HSPH1: variants seen among roughly 807,000 people sequenced by gnomAD.
HSPH1 encodes heat shock protein 105 kDa.
Under a neutral mutation model 100.0 loss-of-function variants are expected in HSPH1, and 40 were observed. That is an observed-to-expected ratio of 0.40 (90% CI 0.31 to 0.52). The LOEUF (loss-of-function observed/expected upper bound fraction) is 0.52, where lower values mean the gene tolerates loss of function less well. Ranked by LOEUF, HSPH1 falls within the 20% of genes least tolerant of loss-of-function variation. The pLI is 0.54. For synonymous variants in HSPH1, 403 were observed against 344.0 expected, an observed-to-expected ratio of 1.17 and a Z score of -1.90; for missense variants, 876 against 1,015.1, an observed-to-expected ratio of 0.86 and a Z score of 1.86.
upstream of HSPH1, chr13:31,162,143 C>T (rs1956948199): frequency 2.7e-6 from 4 of 1,494,012 alleles, no homozygotes; most frequent in Non-Finnish European, 9.0e-7. Context: ...CTGCCTCCGC[C>T]CACTCCCGCC....
chr13:31,144,340 AT>A (rs1268069864), intron 11 of HSPH1, among the ~76,000 whole-genome samples: 4 of 152,086 alleles, frequency 2.6e-5, no homozygotes, highest in African/African-American at 9.7e-5. Flanking sequence ...ACATATCTCC[AT>A]TTCAATTTAC....
chr13:31,141,080 TA>T, intron 13 of HSPH1, 41 bp downstream of exon 13: 1 of 1,297,410 alleles, frequency 7.7e-7, no homozygotes, highest in Non-Finnish European at 1.1e-6. Context: ...GCCAAGAAAC[TA>T]AACATATTTC....
At chr13:31,153,438 A>C (rs756744514) in intron 4 of HSPH1, among the ~76,000 whole-genome samples, 16 of 152,172 alleles carry the variant, frequency 1.1e-4, no homozygotes, top group Non-Finnish European at 2.1e-4. Flanking sequence ...CTATTCACTG[A>C]GGTGCTCTTT....
At chr13:31,149,896 A>G in intron 8 of HSPH1, 58 bp downstream of exon 8, 3 of 1,333,224 alleles carry the variant, frequency 2.3e-6, no homozygotes, top group Non-Finnish European at 3.2e-6. Flanking sequence ...CCATGACGAC[A>G]TCCAGTGGAA....
At chr13:31,152,674 T>C in intron 5 of HSPH1, 178 bp downstream of exon 5, 1 of 455,518 alleles carries the variant, frequency 2.2e-6, no homozygotes, top group South Asian at 3.1e-5. Flanking sequence ...GATTCATAAG[T>C]TTGATAAAAT....
intron 1 of HSPH1, among the ~76,000 whole-genome samples, chr13:31,160,641 T>TATAG (rs1400108579): frequency 6.6e-6 from 1 of 152,350 alleles, no homozygotes; most frequent in Admixed American, 6.5e-5. Context: ...CCTATGCTCC[T>TATAG]ATAGAATATT....
In HSPH1 at chr13:31,140,220, C is replaced by T. The variant is rs1593715432; in HGVS notation, c.1944G>A (p.Lys648=). Residue 648 remains lysine, a synonymous_variant, in exon 14 of 18, where the codon AAG becomes AAA. Coordinates refer to ENST00000320027, the MANE Select transcript of HSPH1 (RefSeq NM_006644.4). ...VEEYVYEFRD[K]LCGPYEKFIC... ...TAAATTTTTCATATGGTCCACACAGCTTGTCTCTGAACTCATACACATATT... is the reference window on the plus strand; with the variant it reads ...TAAATTTTTCATATGGTCCACACAGTTTGTCTCTGAACTCATACACATATT... 2 of 1,611,992 alleles carry T rather than the reference C, an allele frequency of 1.2e-6. No homozygotes were observed. The highest frequency in any genetic ancestry group is 1.3e-5 in the African/African-American group (1 of 74,966).
chr13:31,154,050 T>A (rs1956586485), intron 4 of HSPH1: 1 of 155,834 alleles, frequency 6.4e-6, no homozygotes, highest in South Asian at 2.0e-4. Context: ...CCATGCTGTA[T>A]TTAAGTCCAA....
rs1956324639 is a variant in HSPH1 at position 31,147,873 on chromosome 13, A to T, written c.1378+86T>A. ...TTATGTTCCCCTCAACATTACTAAGAATAAGACAACTTTTAAAGTTTGTAC... is the reference window on the plus strand; with the variant it reads ...TTATGTTCCCCTCAACATTACTAAGTATAAGACAACTTTTAAAGTTTGTAC... On this transcript the variant is annotated intron_variant, in intron 10 of 17. Coordinates refer to ENST00000320027, the MANE Select transcript of HSPH1 (RefSeq NM_006644.4). 3 of 1,185,342 alleles carry T rather than the reference A, an allele frequency of 2.5e-6. No individual in the cohort carries two copies. In the Admixed American group the frequency reaches 7.9e-5, roughly 31 times the overall value. 73.4% of individuals were successfully genotyped at this position (1,185,342 alleles called of 1,614,324 possible). A position where few individuals can be genotyped will look rare whatever the true frequency, so the allele number is the denominator to read the frequency against.
At chr13:31,137,596 TACTC>T in intron 17 of HSPH1, 72 bp from the exon 18 acceptor site, 1 of 1,047,646 alleles carries the variant, frequency 9.5e-7, no homozygotes, top group Non-Finnish European at 1.4e-6. Context: ...CTTCTCCACA[TACTC>T]AACCCACTAT....
rs958113657 is a variant in HSPH1, at chr13:31,136,418, T to C, written c.*900A>G. On this transcript the variant is annotated 3_prime_UTR_variant, in exon 18 of 18. Transcript: ENST00000320027. ...CAATGTTTTCTTCTGGGTGGCAAGA[T>C]TTTAAGTTTTATTCACTTTATAGTA... The C allele has an allele frequency of 6.6e-6, 1 of 152,160 alleles. No homozygotes were observed. The highest frequency in any genetic ancestry group is 2.4e-5 in the African/African-American group (1 of 41,442). The allele number at this position is 152,160 out of a possible 1,614,324, so 9.4% of individuals were successfully genotyped here. A position where few individuals can be genotyped will look rare whatever the true frequency, so the allele number is the denominator to read the frequency against.
chr13:31,158,599 A>G (rs971753870), intron 2 of HSPH1, among the ~76,000 whole-genome samples: 1 of 151,766 alleles, frequency 6.6e-6, no homozygotes, highest in African/African-American at 2.4e-5. Context: ...TTAGAAAGTT[A>G]AAGTCGATCT....
chr13:31,156,119 G>A (rs959517688), intron 2 of HSPH1, among the ~76,000 whole-genome samples: 1 of 152,182 alleles, frequency 6.6e-6, no homozygotes, highest in African/African-American at 2.4e-5. Context: ...GGCCAGGCGC[G>A]GTGGCTCACG....
chr13:31,153,223 CA>C (rs1348631173), intron 4 of HSPH1, among the ~76,000 whole-genome samples: 1 of 152,130 alleles, frequency 6.6e-6, no homozygotes. Context: ...TTTCATAAGA[CA>C]TATTCAAAGT....
At position 31,145,588 on chromosome 13, in the gene HSPH1, C is replaced by A; in HGVS notation, c.1559G>T (p.Arg520Ile). 2 of 1,613,406 alleles carry A rather than the reference C, an allele frequency of 1.2e-6. No homozygotes were observed. The highest frequency in any genetic ancestry group is 1.7e-6 in the Non-Finnish European group (2 of 1,179,674). ...SEADMECLNQRPPENPDTDKN... is the reference protein window; with the variant it reads ...SEADMECLNQIPPENPDTDKN... ...ATCAGTGTCTGGGTTTTCTGGTGGT[C>A]TCTGATTCAGACACTCCATGTCAGC... is the stretch of plus-strand genomic sequence containing the variant. Residue 520 changes from arginine to isoleucine, a missense_variant, in exon 11 of 18, where the codon AGA (arginine) becomes ATA (isoleucine). By Grantham distance (97) the Arg-to-Ile change is moderately conservative (BLOSUM62 -3). Coordinates refer to ENST00000320027, the MANE Select transcript of HSPH1 (RefSeq NM_006644.4).
chr13:31,148,341 T>A lies in HSPH1; in HGVS notation c.1244+33A>T, dbSNP rs748763202. ...ATTTGTTAATTTTTCTTCTTTACATTATAGTATCTGAATGTTATTTTCTGC... is the reference window on the plus strand; with the variant it reads ...ATTTGTTAATTTTTCTTCTTTACATAATAGTATCTGAATGTTATTTTCTGC... On this transcript the variant is annotated intron_variant, in intron 9 of 17. Transcript: ENST00000320027. The A allele has an allele frequency of 5.4e-6, 7 of 1,290,120 alleles. No individual in the cohort carries two copies. The African/African-American group carries it at 1.0e-4, about 19-fold the overall frequency. The allele number at this position is 1,290,120 out of a possible 1,614,324, so 79.9% of individuals were successfully genotyped here.
chr13:31,143,453 C>T (rs1166873867), intron 12 of HSPH1, among the ~76,000 whole-genome samples: 1 of 152,100 alleles, frequency 6.6e-6, no homozygotes. Context: ...GAAAACTAAT[C>T]ATGTAGCCCT....
At chr13:31,142,360 T>TA (rs1478670188) in intron 12 of HSPH1, among the ~76,000 whole-genome samples, 1 of 152,106 alleles carries the variant, frequency 6.6e-6, no homozygotes, top group Non-Finnish European at 1.5e-5. Context: ...TCAAGTGCCA[T>TA]AAGCTGTATC....
At chr13:31,143,997 C>T in intron 11 of HSPH1, 74 bp from the exon 12 acceptor site, 1 of 1,259,238 alleles carries the variant, frequency 7.9e-7, no homozygotes, top group Non-Finnish European at 1.0e-6. Flanking sequence ...TTAAAGGGCA[C>T]CAAAGAAAGT....
Sources: allele counts gnomAD v4.1 joint callset (sites outside exome capture counted in the v4.1 genomes callset), GRCh38; gene constraint gnomAD v4.1.1; transcripts MANE v1.5; gene names NCBI Gene and HGNC (gene_info 2026-07-23, HGNC 2026-07-21).